CDKN2B-AS1: variants seen among roughly 807,000 people sequenced by gnomAD.
The protein encoded by CDKN2B-AS1 is CDKN2B and CDKN2A antisense cis and trans regulatory RNA 1, also known as CDKN2B antisense RNA 1 (non-protein coding).
At chr9:22,096,502 A>T (rs574926843) in intron 4 of CDKN2B-AS1, 2 of 152,328 alleles carry the variant, frequency 1.3e-5, no homozygotes, top group South Asian at 2.1e-4. Flanking sequence ...GCTCAAATCC[A>T]TGATCTACAT....
chr9:22,058,272 AC>A (rs1403018720), intron 4 of CDKN2B-AS1: 1 of 152,222 alleles, frequency 6.6e-6, no homozygotes, highest in East Asian at 1.9e-4. Flanking sequence ...GTCTGTTCTT[AC>A]GTAATTTTCA....
intron 1 of CDKN2B-AS1, among the ~76,000 whole-genome samples, chr9:22,040,175 A>G (rs753589981): frequency 6.6e-6 from 1 of 152,038 alleles, no homozygotes; most frequent in Non-Finnish European, 1.5e-5. Context: ...TTTGTACAGC[A>G]GTCCTAGCCG....
At position 22,039,071 on chromosome 9, in the gene CDKN2B-AS1, G is replaced by T. The variant is rs1296782844; in HGVS notation, n.30-7680G>T. On this transcript the variant is annotated intron_variant and non_coding_transcript_variant, in intron 1 of 4. Transcript: ENST00000650946. The surrounding 1 kb of genome is among the most constrained non-coding windows in gnomAD (Gnocchi z 4.4). ...TTAGAATTTTAGAAAATGGGTTTAG[G>T]GATTTAGAAATTTCTTTACTAAATA... Among the ~76,000 whole-genome samples the T allele has an allele frequency of 6.6e-6, 1 of 151,664 alleles. No homozygotes were observed. Among genetic ancestry groups the T allele is most frequent in the Admixed American group, 6.6e-5 (1 of 15,204 alleles).
chr9:22,049,540 C>T (rs1317344697), intron 3 of CDKN2B-AS1, among the ~76,000 whole-genome samples: 2 of 152,164 alleles, frequency 1.3e-5, no homozygotes, highest in Non-Finnish European at 2.9e-5. Context: ...ACACAAGGGG[C>T]CCCACAGGGA....
intron 4 of CDKN2B-AS1, among the ~76,000 whole-genome samples, chr9:22,062,766 C>T (rs1823873981): frequency 6.6e-6 from 1 of 151,590 alleles, no homozygotes; most frequent in South Asian, 2.1e-4. Flanking sequence ...TTTTTTTAAA[C>T]CTTTCTCAGC....
chr9:22,012,514 C>T (rs941758540), intron 1 of CDKN2B-AS1: 5 of 650,656 alleles, frequency 7.7e-6, no homozygotes, highest in Non-Finnish European at 1.5e-5. Context: ...ACACCAACAA[C>T]CTGCACCCCA....
chr9:22,122,500 T>C (rs1056235268), intron 4 of CDKN2B-AS1, among the ~76,000 whole-genome samples: 1 of 152,130 alleles, frequency 6.6e-6, no homozygotes, highest in African/African-American at 2.4e-5. Flanking sequence ...ATTTCTTCTA[T>C]GTTTTCTTCT....
rs1018351599 is a variant in CDKN2B-AS1 at position 22,095,050 on chromosome 9, G to A, written n.439-32053G>A. On this transcript the variant is annotated intron_variant and non_coding_transcript_variant, in intron 4 of 4. Coordinates refer to ENST00000650946, the Ensembl canonical transcript of CDKN2B-AS1. ...CTAACAGTCAGGACCCTCAGCTGCAGGTCTGTTGGAGTTTGCTGGAGGTCC... is the reference window on the plus strand; with the variant it reads ...CTAACAGTCAGGACCCTCAGCTGCAAGTCTGTTGGAGTTTGCTGGAGGTCC... 2.1e-5 allele frequency among the ~76,000 whole-genome samples: 3 copies of A among 145,026 alleles called. 1 individual carries two copies. Among genetic ancestry groups the A allele is most frequent in the African/African-American group, 8.6e-5 (3 of 34,998 alleles).
At chr9:22,080,007 G>A (rs1403151837) in intron 4 of CDKN2B-AS1, among the ~76,000 whole-genome samples, 1 of 152,238 alleles carries the variant, frequency 6.6e-6, no homozygotes, top group Non-Finnish European at 1.5e-5. Flanking sequence ...CATCAAAGGA[G>A]GCCAGACAGG....
chr9:22,022,812 G>T (rs1822069013), intron 1 of CDKN2B-AS1, among the ~76,000 whole-genome samples: 1 of 152,190 alleles, frequency 6.6e-6, no homozygotes, highest in African/African-American at 2.4e-5. Context: ...CTCTTGTAAG[G>T]CAGGTCTGGT....
chr9:22,035,458 G>A (rs566243296), intron 1 of CDKN2B-AS1, among the ~76,000 whole-genome samples: 29 of 152,146 alleles, frequency 1.9e-4, no homozygotes, highest in African/African-American at 5.3e-4. Context: ...GTTGATTGGC[G>A]TCAAACATGG....
intron 4 of CDKN2B-AS1, among the ~76,000 whole-genome samples, chr9:22,087,446 T>G (rs1448977043): frequency 1.3e-5 from 2 of 152,206 alleles, no homozygotes; most frequent in African/African-American, 4.8e-5. Context: ...AATCCTTAGT[T>G]TTTTAAAGAT....
rs2131261718 is a variant in CDKN2B-AS1 at position 22,039,532 on chromosome 9, G to A, written n.30-7219G>A. On this transcript the variant is annotated intron_variant and non_coding_transcript_variant, in intron 1 of 4. Transcript: ENST00000650946. This position sits in a 1 kb window ranked among gnomAD's most constrained non-coding sequence, Gnocchi z 4.4. The stretch of plus-strand genomic sequence containing the variant: ...TAATATTTTGACTGTAAGCTTCTAG[G>A]AGGTAGAGGCCAGCATTATTTTCTC... 6.6e-6 allele frequency among the ~76,000 whole-genome samples: 1 copy of A among 152,064 alleles called. No homozygotes were observed. Among genetic ancestry groups the A allele is most frequent in the South Asian group, 2.1e-4 (1 of 4,826 alleles).
intron 4 of CDKN2B-AS1, among the ~76,000 whole-genome samples, chr9:22,073,569 G>C (rs186832875): frequency 7.6e-4 from 115 of 152,214 alleles, no homozygotes; most frequent in African/African-American, 2.5e-3. Context: ...TTGACAGTTC[G>C]TGGAAATCTG....
In CDKN2B-AS1 at chr9:22,054,918, A is replaced by G. The variant is rs1823493121; in HGVS notation, n.303-1334A>G. ...AGGCACCTGCCACCATGCCTGGCTC[A>G]CTTTTGTATTTTTAGTAGAGATGGG... On this transcript the variant is annotated intron_variant and non_coding_transcript_variant, in intron 3 of 4. Coordinates refer to ENST00000650946, the Ensembl canonical transcript of CDKN2B-AS1. 2.0e-5 allele frequency among the ~76,000 whole-genome samples: 3 copies of G among 151,586 alleles called. No homozygotes were observed. In the South Asian group the frequency reaches 6.2e-4, roughly 31 times the overall value.
chr9:22,055,498 C>T (rs1823522211), intron 3 of CDKN2B-AS1, among the ~76,000 whole-genome samples: 1 of 152,216 alleles, frequency 6.6e-6, no homozygotes, highest in Non-Finnish European at 1.5e-5. Flanking sequence ...AGGACATACT[C>T]AGCCAAGGCA....
chr9:22,018,185 G>A (rs934197371), intron 1 of CDKN2B-AS1, among the ~76,000 whole-genome samples: 2 of 151,496 alleles, frequency 1.3e-5, no homozygotes, highest in South Asian at 2.1e-4. Context: ...TTAGCTGGGG[G>A]TGGTGTCAGG....
intron 4 of CDKN2B-AS1, among the ~76,000 whole-genome samples, chr9:22,071,181 C>A (rs1215140632): frequency 6.8e-6 from 1 of 147,172 alleles, no homozygotes; most frequent in African/African-American, 2.5e-5. Flanking sequence ...ACTTAGGAGA[C>A]TAATATCTAG....
rs184473391 is a variant in CDKN2B-AS1, at chr9:22,039,875, A to C, written n.30-6876A>C. Among the ~76,000 whole-genome samples, 1 of 152,026 alleles carries C rather than the reference A, an allele frequency of 6.6e-6. No homozygotes were observed. The highest frequency in any genetic ancestry group is 1.5e-5 in the Non-Finnish European group (1 of 67,964). On this transcript the variant is annotated intron_variant and non_coding_transcript_variant, in intron 1 of 4. Transcript: ENST00000650946. The surrounding 1 kb of genome is among the most constrained non-coding windows in gnomAD (Gnocchi z 4.4). ...ATTTGGAAACAGGGTCATTGCAAAT[A>C]TAATTAGTTAAGATGCGATCTTACT... is the stretch of plus-strand genomic sequence containing the variant.
Sources: allele counts gnomAD v4.1 joint callset (sites outside exome capture counted in the v4.1 genomes callset), GRCh38; gene constraint gnomAD v4.1.1; non-coding constraint Gnocchi (gnomAD v3.1); transcripts MANE v1.5; gene names NCBI Gene and HGNC (gene_info 2026-07-23, HGNC 2026-07-21).